The following MPP7 variants were observed in gnomAD, a reference collection of about 807,000 sequenced individuals.
MPP7 encodes the protein MAGUK p55 subfamily member 7.
Under a neutral mutation model 76.5 loss-of-function variants are expected in MPP7, and 60 were observed. The ratio of observed to expected loss-of-function variants is 0.78; its 90% CI spans 0.64 to 0.97. The LOEUF (loss-of-function observed/expected upper bound fraction) is 0.97, where lower values mean the gene tolerates loss of function less well. Among genes scored for constraint, MPP7 ranks in the 50% least tolerant of loss-of-function variants. MPP7 has a pLI of 0.00. For missense variants in MPP7, 641 were observed against 694.0 expected, an observed-to-expected ratio of 0.92 and a Z score of 0.86; for synonymous variants, 237 against 244.5, an observed-to-expected ratio of 0.97 and a Z score of 0.29.
intron 6 of MPP7, among the ~76,000 whole-genome samples, chr10:28,129,793 A>C (rs552047756): frequency 1.2e-4 from 19 of 152,198 alleles, no homozygotes; most frequent in Admixed American, 1.0e-3. Flanking sequence ...CTCCTGATAT[A>C]AATCCCTTGG....
intron 3 of MPP7, among the ~76,000 whole-genome samples, chr10:28,181,939 C>T (rs1293154403): frequency 1.3e-5 from 2 of 152,164 alleles, no homozygotes; most frequent in African/African-American, 4.8e-5. Context: ...TTCAGTAAGA[C>T]CCAGTGAGCT....
intron 1 of MPP7, among the ~76,000 whole-genome samples, chr10:28,246,616 A>G (rs993161657): frequency 6.6e-6 from 1 of 152,216 alleles, no homozygotes; most frequent in East Asian, 1.9e-4. Context: ...GGGCAATCAT[A>G]GCAGAAGGTG....
chr10:28,290,022 T>C (rs1229512279), intron 1 of MPP7, among the ~76,000 whole-genome samples: 3 of 152,206 alleles, frequency 2.0e-5, no homozygotes, highest in East Asian at 3.9e-4. Flanking sequence ...TTTCACTATG[T>C]TGCCCAGGTT....
chr10:28,115,782 C>A (rs1834648087), intron 11 of MPP7, among the ~76,000 whole-genome samples: 2 of 152,198 alleles, frequency 1.3e-5, no homozygotes, highest in Admixed American at 1.3e-4. Flanking sequence ...AACTAAGTTA[C>A]ACCTTGCTTA....
At position 28,059,807 on chromosome 10, in the gene MPP7, A is replaced by T. The variant is rs1851705674; in HGVS notation, c.1205-64T>A. The T allele has an allele frequency of 5.5e-6, 6 of 1,084,280 alleles. No homozygotes were observed. In the East Asian group the frequency reaches 9.6e-5, roughly 17 times the overall value. The allele number at this position is 1,084,280 out of a possible 1,614,324, so 67.2% of individuals were successfully genotyped here. On this transcript the variant is annotated intron_variant, in intron 13 of 16. Transcript: ENST00000683449. ...CAGCCACCTTAAGGAAAATACTAAAAAAGAAATCAAGGGTATTTAATTAGT... is the reference window on the plus strand; with the variant it reads ...CAGCCACCTTAAGGAAAATACTAAATAAGAAATCAAGGGTATTTAATTAGT...
rs183891705 is a variant in MPP7 at position 28,089,874 on chromosome 10, A to T, written c.953-33T>A. On this transcript the variant is annotated intron_variant, in intron 11 of 16. Transcript: ENST00000683449. ...TATTAAAATAAATATATTTTTAGTA[A>T]CATCAACCAAAAAAGAAACCCTCAA... 121 of 1,154,130 alleles carry T rather than the reference A, an allele frequency of 1.0e-4. No individual in the cohort carries two copies. In the East Asian group the frequency reaches 3.0e-3, roughly 28 times the overall value. 71.5% of individuals were successfully genotyped at this position (1,154,130 alleles called of 1,614,324 possible). A position where few individuals can be genotyped will look rare whatever the true frequency, so the allele number is the denominator to read the frequency against.
chr10:28,096,140 C>T lies in MPP7; in HGVS notation c.953-6299G>A, dbSNP rs182690439. 2.6e-5 allele frequency among the ~76,000 whole-genome samples: 4 copies of T among 152,290 alleles called. No homozygotes were observed. The East Asian group carries it at 5.8e-4, about 22-fold the overall frequency. Reference sequence around the variant, plus strand: ...GATCTGAGTTGCTCGTTATTTGCTTCTTAGTTCAATAAGACTGCAATAAAC... The same window carrying T: ...GATCTGAGTTGCTCGTTATTTGCTTTTTAGTTCAATAAGACTGCAATAAAC... On this transcript the variant is annotated intron_variant, in intron 11 of 16. Transcript: ENST00000683449.
chr10:28,219,685 T>C (rs180813427), intron 2 of MPP7, among the ~76,000 whole-genome samples: 29 of 152,290 alleles, frequency 1.9e-4, no homozygotes, highest in African/African-American at 6.7e-4. Flanking sequence ...TTCTCACATT[T>C]GCATTCTGTG....
chr10:28,188,900 T>C (rs1341827699), intron 3 of MPP7, among the ~76,000 whole-genome samples: 2 of 151,720 alleles, frequency 1.3e-5, no homozygotes, highest in Non-Finnish European at 2.9e-5. Context: ...AAATAAAAAC[T>C]TTTTCAGACA....
intron 2 of MPP7, among the ~76,000 whole-genome samples, chr10:28,318,069 C>T (rs981401555): frequency 1.3e-5 from 2 of 152,186 alleles, no homozygotes; most frequent in African/African-American, 4.8e-5. Context: ...AGAGCCTTGG[C>T]AACCTCAAAC....
At chr10:28,315,364 G>A (rs1489702796) in intron 2 of MPP7, among the ~76,000 whole-genome samples, 1 of 151,416 alleles carries the variant, frequency 6.6e-6, no homozygotes, top group Non-Finnish European at 1.5e-5. Flanking sequence ...GAGGAAGGAG[G>A]GAAGGAAGGA....
chr10:28,127,245 T>C lies in MPP7; in HGVS notation c.448-2154A>G, dbSNP rs567109577. Among the ~76,000 whole-genome samples, 10 of 152,322 alleles carry C rather than the reference T, an allele frequency of 6.6e-5. No individual in the cohort carries two copies. In the East Asian group the frequency reaches 1.5e-3, roughly 23 times the overall value. ...ATTCAATGAAGTTGACCAATGTTTA[T>C]TGAGAACTTACTCTGTGCAAGGCAC... is the stretch of plus-strand genomic sequence containing the variant. On this transcript the variant is annotated intron_variant, in intron 6 of 16. Coordinates refer to ENST00000683449, the MANE Select transcript of MPP7 (RefSeq NM_001318170.2).
At chr10:28,290,718 C>T (rs1401429486) in intron 1 of MPP7, among the ~76,000 whole-genome samples, 1 of 152,144 alleles carries the variant, frequency 6.6e-6, no homozygotes, top group African/African-American at 2.4e-5. Flanking sequence ...GGTGATCCAC[C>T]CACCTCAGCC....
At chr10:28,198,905 T>C (rs1175369261) in intron 3 of MPP7, among the ~76,000 whole-genome samples, 2 of 152,134 alleles carry the variant, frequency 1.3e-5, no homozygotes, top group African/African-American at 4.8e-5. Context: ...ATTTCCACCC[T>C]CATAAACAAT....
At chr10:28,241,025 T>G (rs1839250517) in intron 1 of MPP7, among the ~76,000 whole-genome samples, 1 of 152,108 alleles carries the variant, frequency 6.6e-6, no homozygotes, top group Admixed American at 6.5e-5. Context: ...TGGTATAGAT[T>G]GCACATATGC....
intron 2 of MPP7, among the ~76,000 whole-genome samples, chr10:28,226,323 T>C (rs1840878): frequency 0.16 from 24,834 of 151,966 alleles, 2,383 homozygotes; most frequent in African/African-American, 0.26. Context: ...CTCGGCTCAC[T>C]GCAACCTCCA....
intron 11 of MPP7, among the ~76,000 whole-genome samples, chr10:28,104,870 T>C (rs144742266): frequency 6.6e-6 from 1 of 152,072 alleles, no homozygotes; most frequent in Non-Finnish European, 1.5e-5. Context: ...CTTGCACACA[T>C]TAGAATAAGT....
At chr10:28,121,266 CTT>C (rs11327373) in intron 8 of MPP7, among the ~76,000 whole-genome samples, 21 of 136,648 alleles carry the variant, frequency 1.5e-4, no homozygotes, top group Admixed American at 2.2e-4. Flanking sequence ...GAGCAAGAAG[CTT>C]TTTTTTTTTT....
At chr10:28,093,311 G>C (rs185703788) in intron 11 of MPP7, among the ~76,000 whole-genome samples, 4 of 152,218 alleles carry the variant, frequency 2.6e-5, no homozygotes, top group African/African-American at 9.6e-5. Context: ...GAACATAAAT[G>C]CTTCATCCAC....
Sources: allele counts gnomAD v4.1 joint callset (sites outside exome capture counted in the v4.1 genomes callset), GRCh38; gene constraint gnomAD v4.1.1; transcripts MANE v1.5; gene names NCBI Gene and HGNC (gene_info 2026-07-23, HGNC 2026-07-21).